Variants in ATM observed in about 807,000 individuals in gnomAD.
ATM encodes the protein ATM serine/threonine kinase.
Under a neutral mutation model 387.0 loss-of-function variants are expected in ATM, and 308 were observed. That is an observed-to-expected ratio of 0.80 (90% CI 0.73 to 0.87). The LOEUF is 0.87. Ranked by LOEUF, ATM falls within the 40% of genes least tolerant of loss-of-function variation. ATM has a pLI of 0.00. For missense variants in ATM, 3,312 were observed against 3,560.9 expected, an observed-to-expected ratio of 0.93 and a Z score of 1.78; for synonymous variants, 1,156 against 1,187.3, an observed-to-expected ratio of 0.97 and a Z score of 0.54.
chr11:108,293,532 T>C, intron 31 of ATM, 55 bp downstream of exon 31: 1 of 1,452,442 alleles, frequency 6.9e-7, no homozygotes, highest in Middle Eastern at 2.2e-4. Context: ...GTAGTACTTT[T>C]CAAAAATCTG....
intron 22 of ATM, among the ~76,000 whole-genome samples, chr11:108,277,309 G>T (rs1483353606): frequency 6.6e-6 from 1 of 152,178 alleles, no homozygotes; most frequent in African/African-American, 2.4e-5. Flanking sequence ...GTCTCCATGG[G>T]GGTGGGATCC....
In ATM at chr11:108,287,602, T is replaced by G. The variant is rs1180449859; in HGVS notation, c.3996T>G (p.Ile1332Met). The part of the protein sequence containing the change: ...LKSENLLGKQ[I>M]DHLFISNLPE... ...ATTTTAATTTTGTGCCCTTGCAGAT[T>G]GATCACTTATTCATTAGTAATTTAC... The change falls in exon 27 of 63, where the codon ATT (isoleucine) becomes ATG (methionine). Residue 1332 changes from isoleucine to methionine, a missense_variant and splice_region_variant. Physicochemically the swap from Ile to Met is conservative, Grantham distance 10 (BLOSUM62 1). Transcript: ENST00000675843. 1 of 1,600,974 alleles carries G rather than the reference T, an allele frequency of 6.2e-7. No homozygotes were observed. The highest frequency in any genetic ancestry group is 8.6e-7 in the Non-Finnish European group (1 of 1,168,698).
At chr11:108,334,290 G>GGAA (rs1240068607) in intron 54 of ATM, among the ~76,000 whole-genome samples, 1 of 152,108 alleles carries the variant, frequency 6.6e-6, no homozygotes, top group African/African-American at 2.4e-5. Flanking sequence ...GGCAAGGAAG[G>GGAA]TTCCAATTGT....
chr11:108,300,057 G>A (rs993648144), intron 34 of ATM, among the ~76,000 whole-genome samples, 172 bp downstream of exon 34: 2 of 152,004 alleles, frequency 1.3e-5, no homozygotes, highest in African/African-American at 4.8e-5. Context: ...ACCCTACTAT[G>A]TGCCAGACAC....
At position 108,345,786 on chromosome 11, in the gene ATM, T is replaced by G. The variant is rs1555138065; in HGVS notation, c.8462T>G (p.Met2821Arg). ...TTTGAAGAGAAATATGAAGTCTTCA[T>G]GGATGTTTGCCAAAATTTTCAACCA... Reference protein sequence around the residue: ...KSFEEKYEVFMDVCQNFQPVF... With the variant: ...KSFEEKYEVFRDVCQNFQPVF... Residue 2821 changes from methionine (M) to arginine (R), a missense_variant, in exon 58 of 63, where the codon ATG becomes AGG. By Grantham distance (91) the Met-to-Arg change is moderately conservative (BLOSUM62 -1). Around this residue, in one of 4 missense-constraint regions of ATM, gnomAD observed 1,405 missense variants for 1,604.4 expected, o/e 0.88. Coordinates refer to ENST00000675843, the MANE Select transcript of ATM (RefSeq NM_000051.4). 6.2e-7 allele frequency: 1 copy of G among 1,613,752 alleles called. No homozygotes were observed. Among genetic ancestry groups the G allele is most frequent in the Non-Finnish European group, 8.5e-7 (1 of 1,179,730 alleles).
chr11:108,356,597 A>G (rs907905238), intron 61 of ATM, among the ~76,000 whole-genome samples: 7 of 151,704 alleles, frequency 4.6e-5, no homozygotes, highest in African/African-American at 1.7e-4. Context: ...AAAGCAGCTT[A>G]ACATATTCTT....
chr11:108,263,818 C>A (rs1212334884), intron 16 of ATM, among the ~76,000 whole-genome samples: 22 of 151,190 alleles, frequency 1.5e-4, no homozygotes, highest in African/African-American at 2.9e-4. Flanking sequence ...GATCCCACAG[C>A]AATACAAACT....
rs939682310 is a variant in ATM at position 108,367,522 on chromosome 11, G to A, written c.*2014G>A. 7.8e-5 allele frequency: 16 copies of A among 204,370 alleles called. No individual in the cohort carries two copies. The highest frequency in any genetic ancestry group is 1.8e-4 in the African/African-American group (8 of 43,726). The allele number at this position is 204,370 out of a possible 1,614,324, so 12.7% of individuals were successfully genotyped here. ...CACCTGAAAGTAAAACTACTGACTC[G>A]TGTATTAGTGAGTATAATCTCTTCT... On this transcript the variant is annotated 3_prime_UTR_variant, in exon 63 of 63. Coordinates refer to ENST00000675843, the MANE Select transcript of ATM (RefSeq NM_000051.4).
At chr11:108,261,539 A>G (rs2080887572) in intron 16 of ATM, among the ~76,000 whole-genome samples, 2 of 152,186 alleles carry the variant, frequency 1.3e-5, no homozygotes, top group African/African-American at 4.8e-5. Flanking sequence ...GGGAAAAAAC[A>G]GAACAGAAAA....
intron 54 of ATM, 109 bp from the exon 55 acceptor site, chr11:108,334,860 C>T: frequency 3.0e-6 from 4 of 1,320,978 alleles, no homozygotes; most frequent in Non-Finnish European, 4.3e-6. Context: ...ACTATCACAT[C>T]GTCATTTGTT....
chr11:108,284,663 T>C (rs1197581884), intron 26 of ATM, among the ~76,000 whole-genome samples, 190 bp downstream of exon 26: 1 of 152,246 alleles, frequency 6.6e-6, no homozygotes, highest in Non-Finnish European at 1.5e-5. Context: ...GATTGGCTTT[T>C]AACTAAGTAG....
At chr11:108,310,410 A>G in intron 39 of ATM, 95 bp downstream of exon 39, 1 of 1,151,088 alleles carries the variant, frequency 8.7e-7, no homozygotes, top group Middle Eastern at 2.8e-4. Flanking sequence ...CCTGTTCCCC[A>G]TTTAAAAGAT....
Position 108,289,657 on chromosome 11 carries a change from A to G in ATM, c.4292A>G (p.Asn1431Ser), listed in dbSNP as rs201356803. Residue 1431 changes from asparagine to serine, a missense_variant, in exon 29 of 63, where the codon AAT becomes AGT. This residue lies in a region of ATM where 1,791 missense variants were observed against 1,804.5 expected (regional missense o/e 0.99). Coordinates refer to ENST00000675843, the MANE Select transcript of ATM (RefSeq NM_000051.4). ...TGTGAGCAAGCAGCTGAAACAAATA[A>G]TGTTTATAAGAAGCACAGAATTCTT... ...AICEQAAETN[N>S]VYKKHRILKI... The G allele has an allele frequency of 6.2e-7, 1 of 1,612,264 alleles. No homozygotes were observed. The highest frequency in any genetic ancestry group is 8.5e-7 in the Non-Finnish European group (1 of 1,179,494).
intron 17 of ATM, among the ~76,000 whole-genome samples, 155 bp from the exon 18 acceptor site, chr11:108,268,255 A>G (rs1202481439): frequency 6.6e-6 from 1 of 152,144 alleles, no homozygotes; most frequent in Non-Finnish European, 1.5e-5. Flanking sequence ...TAATTTTTCA[A>G]AAAGACTTTT....
chr11:108,332,633 T>G, intron 52 of ATM, 129 bp from the exon 53 acceptor site: 1 of 1,012,972 alleles, frequency 9.9e-7, no homozygotes, highest in Non-Finnish European at 1.5e-6. Context: ...TGTTTGTATC[T>G]GAGGAATTAT....
At chr11:108,223,376 C>CT (rs2078584546) in intron 1 of ATM, 190 bp downstream of exon 1, 1 of 152,564 alleles carries the variant, frequency 6.6e-6, no homozygotes, top group South Asian at 2.0e-4. Context: ...TAACCTCCTC[C>CT]TTTTAAACGC....
chr11:108,256,759 C>G (rs1565395974), intron 14 of ATM, among the ~76,000 whole-genome samples: 1 of 152,154 alleles, frequency 6.6e-6, no homozygotes, highest in Non-Finnish European at 1.5e-5. Context: ...TGAGTGAGAA[C>G]ATGCAGTGTT....
chr11:108,229,641 A>C (rs2078914592), intron 4 of ATM: 1 of 252,144 alleles, frequency 4.0e-6, no homozygotes, highest in African/African-American at 2.3e-5. Context: ...ATTTGGGGAA[A>C]TTTATGCAAG....
At chr11:108,362,030 A>C (rs2090828374) in intron 61 of ATM, among the ~76,000 whole-genome samples, 1 of 133,416 alleles carries the variant, frequency 7.5e-6, no homozygotes, top group African/African-American at 2.8e-5. Flanking sequence ...AATGGGAGAA[A>C]ATTTTCGCAA....
Sources: allele counts gnomAD v4.1 joint callset (sites outside exome capture counted in the v4.1 genomes callset), GRCh38; gene constraint gnomAD v4.1.1; regional missense constraint gnomAD v4.1.1; transcripts MANE v1.5; gene names NCBI Gene and HGNC (gene_info 2026-07-23, HGNC 2026-07-21).